SUPT3H: variants seen among roughly 807,000 people sequenced by gnomAD.
SUPT3H encodes transcription initiation protein SPT3 homolog.
Under a neutral mutation model 44.3 loss-of-function variants are expected in SUPT3H, and 44 were observed. The observed-to-expected ratio is 0.99, with a 90% CI of 0.78 to 1.28. SUPT3H has a LOEUF of 1.28. Ranked by LOEUF, SUPT3H falls within the 50% of genes most tolerant of loss-of-function variation. The pLI is 0.00. For missense variants in SUPT3H, 380 were observed against 387.1 expected (o/e 0.98, Z 0.15); for synonymous variants, 124 against 125.6 (o/e 0.99, Z 0.09).
downstream of SUPT3H, among the ~76,000 whole-genome samples, chr6:44,826,020 T>TATC (rs1178251645): frequency 6.6e-6 from 1 of 152,242 alleles, no homozygotes; most frequent in Non-Finnish European, 1.5e-5. Context: ...GACTATTTAC[T>TATC]ATCTATCTTG....
At chr6:45,150,788 T>A (rs1350161269) in intron 2 of SUPT3H, among the ~76,000 whole-genome samples, 1 of 130,876 alleles carries the variant, frequency 7.6e-6, no homozygotes, top group Non-Finnish European at 1.5e-5. Context: ...AGTGGCACAA[T>A]CTCGGCTCAC....
At chr6:45,169,075 T>C (rs748610716) in intron 2 of SUPT3H, among the ~76,000 whole-genome samples, 26 of 152,112 alleles carry the variant, frequency 1.7e-4, no homozygotes, top group Non-Finnish European at 3.2e-4. Context: ...AAAAGGGTGA[T>C]AAAGGAGCAT....
At chr6:44,974,279 CTATA>C (rs1778006241) in intron 6 of SUPT3H, among the ~76,000 whole-genome samples, 1 of 120,232 alleles carries the variant, frequency 8.3e-6, no homozygotes, top group Non-Finnish European at 1.7e-5. Context: ...GTCTGTATAA[CTATA>C]TACACACATA....
At chr6:44,882,461 G>A (rs781425738) in intron 10 of SUPT3H, among the ~76,000 whole-genome samples, 111 of 152,294 alleles carry the variant, frequency 7.3e-4, no homozygotes, top group Admixed American at 1.2e-3. Context: ...GAGGTACAAG[G>A]AGGAATTGGT....
chr6:45,112,624 G>A (rs1800230123), intron 2 of SUPT3H, among the ~76,000 whole-genome samples: 1 of 152,066 alleles, frequency 6.6e-6, no homozygotes, highest in Admixed American at 6.5e-5. Context: ...GATTTAGAGG[G>A]GAAGTGCTGA....
downstream of SUPT3H, among the ~76,000 whole-genome samples, chr6:44,822,462 A>G (rs1011675518): frequency 1.3e-5 from 2 of 152,362 alleles, no homozygotes; most frequent in African/African-American, 4.8e-5. Context: ...AAGATGGACT[A>G]TATACAAAAA....
chr6:44,938,600 T>C (rs1477439393), intron 9 of SUPT3H, among the ~76,000 whole-genome samples: 1 of 152,172 alleles, frequency 6.6e-6, no homozygotes, highest in Non-Finnish European at 1.5e-5. Flanking sequence ...TTTTTTCTAA[T>C]TCTGTAAAAG....
chr6:44,885,433 T>A (rs1049392754), intron 10 of SUPT3H, among the ~76,000 whole-genome samples: 3 of 151,442 alleles, frequency 2.0e-5, no homozygotes, highest in Non-Finnish European at 4.4e-5. Context: ...AGAGGAACGA[T>A]CAGACAGCAG....
At chr6:45,124,237 A>G (rs997342893) in intron 2 of SUPT3H, among the ~76,000 whole-genome samples, 6 of 151,770 alleles carry the variant, frequency 4.0e-5, no homozygotes, top group Admixed American at 3.3e-4. Context: ...TATATTATTT[A>G]GTAACTGCAA....
chr6:45,262,561 G>A (rs1774551960), intron 2 of SUPT3H, among the ~76,000 whole-genome samples: 1 of 152,046 alleles, frequency 6.6e-6, no homozygotes, highest in African/African-American at 2.4e-5. Flanking sequence ...AAAAACTCTA[G>A]AAGAAAACCT....
intron 10 of SUPT3H, among the ~76,000 whole-genome samples, chr6:44,871,248 G>C (rs1450211101): frequency 1.0e-5 from 1 of 97,822 alleles, no homozygotes; most frequent in Non-Finnish European, 2.1e-5. Context: ...AAGTGTCCCT[G>C]TCTGACAGCT....
intron 2 of SUPT3H, among the ~76,000 whole-genome samples, chr6:45,245,378 C>T (rs960878870): frequency 6.6e-6 from 1 of 152,096 alleles, no homozygotes; most frequent in East Asian, 1.9e-4. Flanking sequence ...CAAACATCAC[C>T]ACTATCCATA....
intron 3 of SUPT3H, among the ~76,000 whole-genome samples, chr6:45,046,900 A>G (rs1789486461): frequency 6.6e-6 from 1 of 152,174 alleles, no homozygotes; most frequent in South Asian, 2.1e-4. Flanking sequence ...CTTAAACTTC[A>G]TTTAGCAATG....
intron 2 of SUPT3H, among the ~76,000 whole-genome samples, chr6:45,166,319 T>C (rs1337128402): frequency 1.3e-5 from 2 of 152,060 alleles, no homozygotes; most frequent in Non-Finnish European, 2.9e-5. Flanking sequence ...CCAGGTGCGA[T>C]GGCTCACACC....
chr6:45,328,763 T>G (rs1308444345), intron 2 of SUPT3H: 4 of 1,612,104 alleles, frequency 2.5e-6, no homozygotes, highest in Admixed American at 3.3e-5. Context: ...AGTGACACCA[T>G]GTCAGCAAAA....
chr6:45,234,254 A>G (rs538475203), intron 2 of SUPT3H, among the ~76,000 whole-genome samples: 1 of 152,290 alleles, frequency 6.6e-6, no homozygotes, highest in Non-Finnish European at 1.5e-5. Flanking sequence ...GGTAAAATAC[A>G]TTGATGTTGT....
At chr6:45,054,669 A>G (rs1357716963) in intron 3 of SUPT3H, among the ~76,000 whole-genome samples, 1 of 152,146 alleles carries the variant, frequency 6.6e-6, no homozygotes, top group Non-Finnish European at 1.5e-5. Flanking sequence ...AAAAGTTCCA[A>G]TATATTCCTG....
intron 3 of SUPT3H, among the ~76,000 whole-genome samples, chr6:45,072,160 G>A (rs1267307109): frequency 6.6e-6 from 1 of 152,092 alleles, no homozygotes; most frequent in African/African-American, 2.4e-5. Flanking sequence ...GAAATGATAT[G>A]GGACTTCCTC....
At chr6:45,334,709 GA>G (rs1290937050) in intron 2 of SUPT3H, among the ~76,000 whole-genome samples, 1 of 151,032 alleles carries the variant, frequency 6.6e-6, no homozygotes, top group Non-Finnish European at 1.5e-5. Flanking sequence ...GCATGAGTGT[GA>G]ATGCATTCAC....
Sources: gnomAD v4.1 joint callset for allele counts (sites outside exome capture counted in the v4.1 genomes callset) on GRCh38, gnomAD v4.1.1 for gene constraint, MANE v1.5 for transcripts, NCBI Gene and HGNC (gene_info 2026-07-23, HGNC 2026-07-21) for gene names.